The following BAZ2B variants were observed in gnomAD, a reference collection of about 807,000 sequenced individuals.
BAZ2B encodes bromodomain adjacent to zinc finger domain protein 2B.
BAZ2B carries 91 observed loss-of-function variants against 246.0 expected under a neutral mutation model. The ratio of observed to expected loss-of-function variants is 0.37; its 90% CI spans 0.31 to 0.44. The LOEUF (loss-of-function observed/expected upper bound fraction) is 0.44, where lower values mean the gene tolerates loss of function less well. Ranked by LOEUF, BAZ2B falls within the 20% of genes least tolerant of loss-of-function variation. The probability of loss-of-function intolerance (pLI) is 1.00; values close to 1 mark genes in which losing one functional copy is unlikely to be tolerated. For synonymous variants in BAZ2B, 855 were observed against 860.0 expected, an observed-to-expected ratio of 0.99 and a Z score of 0.10; for missense variants, 2,332 against 2,533.7, an observed-to-expected ratio of 0.92 and a Z score of 1.71.
chr2:159,659,375 T>C, the BAZ2B span, among the ~76,000 whole-genome samples: 9 of 152,200 alleles, frequency 5.9e-5, no homozygotes, highest in African/African-American at 1.4e-4. Context: ...TTTGTCTTTT[T>C]ACTTTTTGCC....
chr2:159,551,236 G>A (rs893982745), intron 2 of BAZ2B, among the ~76,000 whole-genome samples: 3 of 152,132 alleles, frequency 2.0e-5, no homozygotes, highest in Admixed American at 6.5e-5. Flanking sequence ...TTGGGAGGCC[G>A]AGGTGGGCGG....
the BAZ2B span, among the ~76,000 whole-genome samples, chr2:159,674,380 GGAAGAAAAGAAAAGAAAAGAGAAGA>G: frequency 7.0e-6 from 1 of 141,862 alleles, no homozygotes; most frequent in Non-Finnish European, 1.5e-5. Flanking sequence ...GGAAGGGAAG[GGAAGAAAAGAAAAGAAAAGAGAAGA>G]GAAGAAAAGA....
chr2:159,618,025 A>G (rs1696263774), upstream of BAZ2B, among the ~76,000 whole-genome samples: 1 of 152,202 alleles, frequency 6.6e-6, no homozygotes, highest in African/African-American at 2.4e-5. Context: ...TAATGTGCTG[A>G]TATGTTTTTA....
chr2:159,406,934 T>C (rs1225662304), intron 14 of BAZ2B, among the ~76,000 whole-genome samples: 1 of 151,780 alleles, frequency 6.6e-6, no homozygotes, highest in Admixed American at 6.6e-5. Context: ...TTTTATACTT[T>C]TAGTAGAGAC....
chr2:159,324,154 T>G (rs780203042), intron 36 of BAZ2B, among the ~76,000 whole-genome samples: 1 of 141,774 alleles, frequency 7.1e-6, no homozygotes, highest in Non-Finnish European at 1.5e-5. Context: ...ATATACTGGA[T>G]AATAACAATG....
chr2:159,621,535 G>C (rs931860823), upstream of BAZ2B, among the ~76,000 whole-genome samples: 2 of 152,168 alleles, frequency 1.3e-5, no homozygotes, highest in African/African-American at 4.8e-5. Context: ...AACCTTTAAA[G>C]CTTAATAGTT....
chr2:159,452,007 A>G (rs1415370069), intron 4 of BAZ2B, among the ~76,000 whole-genome samples: 2 of 152,094 alleles, frequency 1.3e-5, no homozygotes, highest in African/African-American at 2.4e-5. Context: ...ATTTCAGTAA[A>G]TATCTGTGGA....
At chr2:159,395,944 A>G (rs1026069990) in intron 19 of BAZ2B, 110 bp from the exon 20 acceptor site, 2 of 894,396 alleles carry the variant, frequency 2.2e-6, no homozygotes, top group Admixed American at 2.8e-5. Flanking sequence ...TAGCATGTTT[A>G]GCATTTATAG....
chr2:159,626,637 G>A, the BAZ2B span, among the ~76,000 whole-genome samples: 82,701 of 151,892 alleles, frequency 0.54, 23,377 homozygotes, highest in East Asian at 0.74. Context: ...AAGACACAAC[G>A]TCCCAGAATC....
At chr2:159,607,311 C>T (rs1296641051) in intron 1 of BAZ2B, among the ~76,000 whole-genome samples, 1 of 152,220 alleles carries the variant, frequency 6.6e-6, no homozygotes, top group Non-Finnish European at 1.5e-5. Flanking sequence ...CCTCTGCTCT[C>T]TACTCAATGT....
At chr2:159,666,280 GAC>G in the BAZ2B span, among the ~76,000 whole-genome samples, 1 of 109,266 alleles carries the variant, frequency 9.2e-6, no homozygotes, top group African/African-American at 3.6e-5. Context: ...TTTTTTTTGA[GAC>G]AGGGTCTCGC....
intron 31 of BAZ2B, among the ~76,000 whole-genome samples, chr2:159,339,476 C>G (rs1443502030): frequency 6.6e-6 from 1 of 152,134 alleles, no homozygotes; most frequent in Admixed American, 6.5e-5. Context: ...TCAAGATAGA[C>G]AACCAACTTA....
chr2:159,561,080 A>G (rs1360651403), intron 1 of BAZ2B, among the ~76,000 whole-genome samples: 1 of 152,136 alleles, frequency 6.6e-6, no homozygotes, highest in Non-Finnish European at 1.5e-5. Flanking sequence ...ACCTGCTATG[A>G]TTTGGATATG....
chr2:159,561,999 A>G (rs1383140128), intron 1 of BAZ2B, among the ~76,000 whole-genome samples: 1 of 152,136 alleles, frequency 6.6e-6, no homozygotes, highest in Admixed American at 6.6e-5. Flanking sequence ...AAAAGCTGCA[A>G]TTTGCTTTAC....
intron 13 of BAZ2B, among the ~76,000 whole-genome samples, chr2:159,426,586 A>G (rs2069945252): frequency 6.6e-6 from 1 of 152,166 alleles, no homozygotes; most frequent in Non-Finnish European, 1.5e-5. Context: ...ATATATTTCT[A>G]TAAATCTCAG....
In BAZ2B at chr2:159,361,212, C is replaced by T. The variant is rs565543065; in HGVS notation, c.4214-10855G>A. 9.2e-5 allele frequency among the ~76,000 whole-genome samples: 14 copies of T among 152,092 alleles called. No homozygotes were observed. The South Asian group carries it at 1.0e-3, about 11-fold the overall frequency. ...TTTGCAATCTAGCCATCTGACAAAG[C>T]GCTAGTATCCAGAATCTACAAAGAA... On this transcript the variant is annotated intron_variant, in intron 27 of 36. Coordinates refer to ENST00000392783, the MANE Select transcript of BAZ2B (RefSeq NM_013450.4).
In BAZ2B at chr2:159,438,682, C is replaced by T. The variant is rs755149966; in HGVS notation, c.914G>A (p.Gly305Asp). The change falls in exon 8 of 37, where the codon GGT (glycine) becomes GAT (aspartate). Residue 305 changes from glycine to aspartate, a missense_variant. Gly to Asp is a moderately conservative substitution (Grantham distance 94). Coordinates refer to ENST00000392783, the MANE Select transcript of BAZ2B (RefSeq NM_013450.4). ...HKSNNQVLLH[G>D]ISDPKADGQK... ...TCCATCTGCTTTTGGGTCTGAAATA[C>T]CATGTAATAGCACCTAGATATAAAA... 3.1e-6 allele frequency: 5 copies of T among 1,601,708 alleles called. No homozygotes were observed. The African/African-American group carries it at 5.4e-5, about 17-fold the overall frequency.
At chr2:159,470,779 T>C (rs1453548540) in intron 3 of BAZ2B, among the ~76,000 whole-genome samples, 2 of 152,202 alleles carry the variant, frequency 1.3e-5, no homozygotes, top group Non-Finnish European at 2.9e-5. Flanking sequence ...CATTTAATGA[T>C]AGAGAATGTG....
the BAZ2B span, among the ~76,000 whole-genome samples, chr2:159,684,204 C>T: frequency 1.3e-5 from 2 of 152,180 alleles, no homozygotes; most frequent in African/African-American, 2.4e-5. Context: ...CACACTTTAA[C>T]CATTCAAAAG....
Sources: gnomAD v4.1 joint callset for allele counts (sites outside exome capture counted in the v4.1 genomes callset) on GRCh38, gnomAD v4.1.1 for gene constraint, MANE v1.5 for transcripts, NCBI Gene and HGNC (gene_info 2026-07-23, HGNC 2026-07-21) for gene names.